Variants in POU2F3 observed in about 807,000 individuals in gnomAD.
POU2F3 encodes POU class 2 homeobox 3.
In POU2F3, 23 loss-of-function variants were observed where a neutral mutation model predicts 59.2. That is an observed-to-expected ratio of 0.39 (90% CI 0.28 to 0.55). POU2F3 has a LOEUF of 0.55. Among genes scored for constraint, POU2F3 ranks in the 20% least tolerant of loss-of-function variants. The pLI, the probability that POU2F3 is intolerant of heterozygous loss-of-function variation, is 0.66. For synonymous variants in POU2F3, 190 were observed against 214.6 expected (o/e 0.89, Z 1.00); for missense variants, 473 against 544.5 (o/e 0.87, Z 1.31).
In POU2F3 at chr11:120,274,088, A is replaced by AAAGGAAGGAAGG. The variant is rs1304930734; in HGVS notation, c.132+4852_132+4863dup. Among the ~76,000 whole-genome samples, 65 of 95,620 alleles carry AAAGGAAGGAAGG rather than the reference A, an allele frequency of 6.8e-4. 1 individual carries two copies. The highest frequency in any genetic ancestry group is 2.6e-3 in the African/African-American group (62 of 23,814). 62.7% of individuals were successfully genotyped at this position (95,620 alleles called of 152,430 possible). The stretch of plus-strand genomic sequence containing the variant: ...GAGAAAGAAAGAAAAAGAGAGAAAG[A>AAAGGAAGGAAGG]AAGGAAGGAAGGAAGGAAGAAAGGA... On this transcript the variant is annotated intron_variant, in intron 3 of 12. Transcript: ENST00000543440.
chr11:120,286,216 C>T (rs1181960149), intron 3 of POU2F3, among the ~76,000 whole-genome samples: 1 of 152,152 alleles, frequency 6.6e-6, no homozygotes. Flanking sequence ...TCTTACTTTT[C>T]CATTCCCCAA....
intron 2 of POU2F3, among the ~76,000 whole-genome samples, chr11:120,255,673 G>A (rs1398935486): frequency 7.2e-5 from 11 of 152,256 alleles, no homozygotes; most frequent in Admixed American, 4.6e-4. Context: ...CCATCTCCAC[G>A]GGACCCTGGA....
intron 3 of POU2F3, among the ~76,000 whole-genome samples, chr11:120,291,593 G>A (rs1941022108): frequency 1.3e-5 from 2 of 152,168 alleles, no homozygotes; most frequent in South Asian, 4.1e-4. Flanking sequence ...CACACACACA[G>A]AGAGTGAGGA....
intron 9 of POU2F3, among the ~76,000 whole-genome samples, chr11:120,309,210 A>G (rs1941587777): frequency 6.6e-6 from 1 of 152,162 alleles, no homozygotes; most frequent in Non-Finnish European, 1.5e-5. Context: ...TGTGGTGGGC[A>G]TGATTATTCT....
chr11:120,265,651 T>C (rs1322674872), intron 2 of POU2F3, among the ~76,000 whole-genome samples: 1 of 152,240 alleles, frequency 6.6e-6, no homozygotes, highest in African/African-American at 2.4e-5. Context: ...CTTACACACC[T>C]TTTTCATGTT....
At chr11:120,283,530 T>C (rs1399500860) in intron 3 of POU2F3, among the ~76,000 whole-genome samples, 1 of 152,034 alleles carries the variant, frequency 6.6e-6, no homozygotes, top group Non-Finnish European at 1.5e-5. Flanking sequence ...AAGTACCACC[T>C]GGGAAGCAAC....
chr11:120,245,357 C>T (rs960848910), intron 1 of POU2F3, among the ~76,000 whole-genome samples: 2 of 152,146 alleles, frequency 1.3e-5, no homozygotes, highest in African/African-American at 2.4e-5. Flanking sequence ...CTGCCAACTG[C>T]CTGATTACCT....
chr11:120,294,058 G>C (rs1402819895), intron 3 of POU2F3, among the ~76,000 whole-genome samples: 1 of 152,188 alleles, frequency 6.6e-6, no homozygotes, highest in Admixed American at 6.5e-5. Flanking sequence ...AAGCCAAGGA[G>C]GGATGCAGAA....
intron 6 of POU2F3, 111 bp downstream of exon 6, chr11:120,302,479 A>G: frequency 1.0e-6 from 1 of 955,852 alleles, no homozygotes; most frequent in Non-Finnish European, 1.6e-6. Flanking sequence ...CTCTGGGGAG[A>G]GGGGATAGCA....
At chr11:120,268,799 C>G (rs922013300) in intron 2 of POU2F3, among the ~76,000 whole-genome samples, 8 of 152,168 alleles carry the variant, frequency 5.3e-5, no homozygotes, top group African/African-American at 1.9e-4. Flanking sequence ...GACTTCTGTC[C>G]TAGGGAGTCC....
Position 120,266,379 on chromosome 11 carries a change from T to G in POU2F3, c.98-2831T>G, listed in dbSNP as rs569799012. Among the ~76,000 whole-genome samples the G allele has an allele frequency of 7.2e-5, 11 of 152,254 alleles. No individual in the cohort carries two copies. The South Asian group carries it at 2.3e-3, about 32-fold the overall frequency. On this transcript the variant is annotated intron_variant, in intron 2 of 12. Coordinates refer to ENST00000543440, the MANE Select transcript of POU2F3 (RefSeq NM_014352.4). ...TGAGCTATTGCAGCAGCCTCCCAGT[T>G]GGTCTCCCTTCCTCTTCTCTTACCC...
At chr11:120,264,665 G>A (rs1939753351) in intron 2 of POU2F3, among the ~76,000 whole-genome samples, 3 of 152,138 alleles carry the variant, frequency 2.0e-5, no homozygotes, top group Admixed American at 2.0e-4. Flanking sequence ...CTGTATTCCT[G>A]GGAAAGGAAT....
Position 120,309,434 on chromosome 11 carries a change from C to T in POU2F3, c.916C>T (p.Pro306Ser). 6.2e-7 allele frequency: 1 copy of T among 1,613,804 alleles called. No individual in the cohort carries two copies. The highest frequency in any genetic ancestry group is 8.5e-7 in the Non-Finnish European group (1 of 1,179,724). The change falls in exon 10 of 13, where the codon CCC becomes TCC. Residue 306 changes from proline (P) to serine (S), a missense_variant. Pro to Ser is a moderately conservative substitution (Grantham distance 74). Coordinates refer to ENST00000543440, the MANE Select transcript of POU2F3 (RefSeq NM_014352.4). ...CTTTCGGTGCCTATAGAACCCAAAA[C>T]CCAGCTCGGAGGAGATCTCCATGAT... ...LEKRFQDNPK[P>S]SSEEISMIAE...
At chr11:120,247,031 C>T (rs187956988) in intron 2 of POU2F3, among the ~76,000 whole-genome samples, 89 of 152,210 alleles carry the variant, frequency 5.8e-4, no homozygotes, top group African/African-American at 2.1e-3. Flanking sequence ...GTCAGTAGTC[C>T]CAGCTAGTCA....
At position 120,306,211 on chromosome 11, in the gene POU2F3, G is replaced by A. The variant is rs115117940; in HGVS notation, c.769+426G>A. Among the ~76,000 whole-genome samples, 1,301 of 152,302 alleles carry A rather than the reference G, an allele frequency of 8.5e-3. 21 individuals carry two copies. The highest frequency in any genetic ancestry group is 0.029 in the African/African-American group (1,217 of 41,566). On this transcript the variant is annotated intron_variant, in intron 8 of 12. Transcript: ENST00000543440. ...GGGGAGACCACAGGCACGACACAGG[G>A]TCTTTCCCTGGGTAGTTCTTGAGGA...
At chr11:120,302,579 T>A in intron 6 of POU2F3, 1 of 532,272 alleles carries the variant, frequency 1.9e-6, no homozygotes, top group Non-Finnish European at 3.3e-6. Context: ...ACAGTTAGAA[T>A]CCAGAGATTC....
chr11:120,278,058 T>C (rs1242295782), intron 3 of POU2F3, among the ~76,000 whole-genome samples: 1 of 152,208 alleles, frequency 6.6e-6, no homozygotes, highest in Non-Finnish European at 1.5e-5. Flanking sequence ...CCAAATCTAA[T>C]ACTTCCTCAA....
chr11:120,293,741 G>A (rs537351939), intron 3 of POU2F3, among the ~76,000 whole-genome samples: 3 of 152,288 alleles, frequency 2.0e-5, no homozygotes, highest in Admixed American at 2.0e-4. Flanking sequence ...TTAAAGATGA[G>A]TACCCCAGCC....
Position 120,301,905 on chromosome 11 carries a change from C to A in POU2F3, c.362-381C>A, listed in dbSNP as rs182590107. 5.9e-4 allele frequency: 104 copies of A among 175,444 alleles called. No individual in the cohort carries two copies. The East Asian group carries it at 8.9e-3, about 15-fold the overall frequency. The allele number at this position is 175,444 out of a possible 1,614,324, so 10.9% of individuals were successfully genotyped here. A position where few individuals can be genotyped will look rare whatever the true frequency, so the allele number is the denominator to read the frequency against. ...CTGCAGGGAAAGCCAAAATCCTCAG[C>A]CCTAGCTTGAATTCTCAGCAGCCAC... On this transcript the variant is annotated intron_variant, in intron 5 of 12. Transcript: ENST00000543440.
Sources: gnomAD v4.1 joint callset for allele counts (sites outside exome capture counted in the v4.1 genomes callset) on GRCh38, gnomAD v4.1.1 for gene constraint, MANE v1.5 for transcripts, NCBI Gene and HGNC (gene_info 2026-07-23, HGNC 2026-07-21) for gene names.